The following RPRD1B variants were observed in gnomAD, a reference collection of about 807,000 sequenced individuals.
RPRD1B encodes regulation of nuclear pre-mRNA domain-containing protein 1B.
RPRD1B carries 11 observed loss-of-function variants against 41.5 expected under a neutral mutation model. The ratio of observed to expected loss-of-function variants is 0.27; its 90% confidence interval spans 0.17 to 0.44. The LOEUF (loss-of-function observed/expected upper bound fraction) is 0.44, where lower values mean the gene tolerates loss of function less well. RPRD1B is among the 20% of genes least tolerant of loss of function. RPRD1B has a pLI of 1.00. For missense variants in RPRD1B, 248 were observed against 389.9 expected (o/e 0.64, Z 3.06); for synonymous variants, 158 against 155.6 (o/e 1.02, Z -0.12).
At chr20:38,056,161 TG>T (rs1343021917) in intron 3 of RPRD1B, among the ~76,000 whole-genome samples, 13 of 151,890 alleles carry the variant, frequency 8.6e-5, no homozygotes, top group African/African-American at 3.1e-4. Flanking sequence ...CCAAGGCGGG[TG>T]GGTCACTGGA....
chr20:38,085,949 C>G (rs1488626859), intron 6 of RPRD1B, among the ~76,000 whole-genome samples: 2 of 150,466 alleles, frequency 1.3e-5, no homozygotes, highest in Non-Finnish European at 2.9e-5. Flanking sequence ...AAGCAATCTT[C>G]CCACCTCAGC....
At chr20:38,084,189 C>T (rs1396877143) in intron 6 of RPRD1B, among the ~76,000 whole-genome samples, 1 of 152,072 alleles carries the variant, frequency 6.6e-6, no homozygotes, top group Non-Finnish European at 1.5e-5. Context: ...CCCCTTTGGG[C>T]TTGGCTTTCT....
chr20:38,085,028 C>A (rs2074547421), intron 6 of RPRD1B, among the ~76,000 whole-genome samples: 1 of 152,174 alleles, frequency 6.6e-6, no homozygotes, highest in South Asian at 2.1e-4. Flanking sequence ...TAGGTACTTG[C>A]CGCTGAATGG....
chr20:38,061,897 A>G (rs2074301313), intron 5 of RPRD1B, among the ~76,000 whole-genome samples: 1 of 152,202 alleles, frequency 6.6e-6, no homozygotes, highest in African/African-American at 2.4e-5. Flanking sequence ...TTTAATCCAC[A>G]GAACCTGTGT....
In RPRD1B at chr20:38,091,021, C is replaced by G; in HGVS notation, c.*1146C>G. 1.0e-6 allele frequency: 1 copy of G among 985,642 alleles called. No homozygotes were observed. Among genetic ancestry groups the G allele is most frequent in the Non-Finnish European group, 1.2e-6 (1 of 829,880 alleles). The allele number at this position is 985,642 out of a possible 1,614,324, so 61.1% of individuals were successfully genotyped here. A position where few individuals can be genotyped will look rare whatever the true frequency, so the allele number is the denominator to read the frequency against. ...GGGATATTAATTGGGGGTTTTAATTCTATTATCATGTCAGCTGACATTATG... is the reference window on the plus strand; with the variant it reads ...GGGATATTAATTGGGGGTTTTAATTGTATTATCATGTCAGCTGACATTATG... On this transcript the variant is annotated 3_prime_UTR_variant, in exon 7 of 7. Coordinates refer to ENST00000373433, the MANE Select transcript of RPRD1B (RefSeq NM_021215.4).
At position 38,090,588 on chromosome 20, in the gene RPRD1B, T is replaced by A. The variant is rs895323165; in HGVS notation, c.*713T>A. On this transcript the variant is annotated 3_prime_UTR_variant, in exon 7 of 7. Transcript: ENST00000373433. The stretch of plus-strand genomic sequence containing the variant: ...TTAAAAGGAATTTATTTGCTTCAAG[T>A]TCCTAGATACAACCTTCCCATGCTG... 7 of 985,630 alleles carry A rather than the reference T, an allele frequency of 7.1e-6. No individual in the cohort carries two copies. In the South Asian group the frequency reaches 3.3e-4, roughly 46 times the overall value. 61.1% of individuals were successfully genotyped at this position (985,630 alleles called of 1,614,324 possible).
chr20:38,050,276 A>G (rs1402927077), intron 3 of RPRD1B, among the ~76,000 whole-genome samples: 3 of 152,230 alleles, frequency 2.0e-5, no homozygotes, highest in Non-Finnish European at 4.4e-5. Flanking sequence ...CTTTCTGTGA[A>G]TGACATAAGT....
At chr20:38,063,014 T>G in intron 5 of RPRD1B, among the ~76,000 whole-genome samples, 1 of 152,010 alleles carries the variant, frequency 6.6e-6, no homozygotes, top group Non-Finnish European at 1.5e-5. Context: ...GCAGAGTCTT[T>G]CACTGGCCTC....
Position 38,034,092 on chromosome 20 carries a change from C to T in RPRD1B, c.145C>T (p.Arg49Cys), listed in dbSNP as rs754260598. ...PIVSVWHRELRKAKSNRKLTF... is the reference protein window; with the variant it reads ...PIVSVWHRELCKAKSNRKLTF... ...CGTCTCCGTGTGGCACCGCGAGCTC[C>T]GCAAAGGTAAACACCAAATCCCCAC... is the stretch of plus-strand genomic sequence containing the variant. The change falls in exon 1 of 7, where the codon CGC (arginine) becomes TGC (cysteine). Residue 49 changes from arginine (R) to cysteine (C), a missense_variant. Physicochemically the swap from Arg to Cys is radical, Grantham distance 180 (BLOSUM62 -3). Around this residue, in one of 5 missense-constraint regions of RPRD1B, gnomAD observed 47 missense variants for 103.6 expected, o/e 0.45. Transcript: ENST00000373433. The T allele has an allele frequency of 1.9e-6, 3 of 1,613,246 alleles. No individual in the cohort carries two copies. In the South Asian group the frequency reaches 3.3e-5, roughly 18 times the overall value.
At chr20:38,062,196 C>G (rs1431243803) in intron 5 of RPRD1B, among the ~76,000 whole-genome samples, 1 of 152,118 alleles carries the variant, frequency 6.6e-6, no homozygotes, top group Non-Finnish European at 1.5e-5. Context: ...GAACTAGGAC[C>G]CTGCATTATT....
At position 38,068,167 on chromosome 20, in the gene RPRD1B, G is replaced by A. The variant is rs556775073; in HGVS notation, c.831+1911G>A. 1.0e-3 allele frequency among the ~76,000 whole-genome samples: 156 copies of A among 152,312 alleles called. 2 individuals are homozygous for A. Among genetic ancestry groups the A allele is most frequent in the African/African-American group, 3.7e-3 (153 of 41,564 alleles). On this transcript the variant is annotated intron_variant, in intron 6 of 6. Transcript: ENST00000373433. ...CAGATTAGAGCTTTGGATGCGTTCTGTAACTTTCCAGTCTGCGTTGCTCTG... is the reference window on the plus strand; with the variant it reads ...CAGATTAGAGCTTTGGATGCGTTCTATAACTTTCCAGTCTGCGTTGCTCTG...
At chr20:38,069,418 A>G (rs1459834354) in intron 6 of RPRD1B, among the ~76,000 whole-genome samples, 7 of 152,252 alleles carry the variant, frequency 4.6e-5, no homozygotes. Flanking sequence ...GTCAGGCAAT[A>G]AAACCTTTTT....
At chr20:38,083,671 A>C (rs2074534920) in intron 6 of RPRD1B, among the ~76,000 whole-genome samples, 8 of 152,222 alleles carry the variant, frequency 5.3e-5, no homozygotes. Flanking sequence ...CTCCAAGAAC[A>C]TTCCTCCAGT....
intron 2 of RPRD1B, among the ~76,000 whole-genome samples, chr20:38,044,433 G>T (rs1030811795): frequency 1.3e-5 from 2 of 149,754 alleles, no homozygotes; most frequent in African/African-American, 5.0e-5. Flanking sequence ...GAGTGCAGTG[G>T]CTTGGTCTTG....
chr20:38,049,175 C>T (rs2122707764), intron 3 of RPRD1B, among the ~76,000 whole-genome samples: 1 of 151,986 alleles, frequency 6.6e-6, no homozygotes, highest in African/African-American at 2.4e-5. Context: ...TCTCAAACTC[C>T]TGACCTCAAG....
intron 1 of RPRD1B, among the ~76,000 whole-genome samples, chr20:38,035,639 C>T (rs1183010238): frequency 6.6e-6 from 1 of 152,200 alleles, no homozygotes; most frequent in Non-Finnish European, 1.5e-5. Flanking sequence ...GGGCCTTCTT[C>T]ATGTACCCCA....
chr20:38,063,610 G>A (rs1226718998), intron 5 of RPRD1B, among the ~76,000 whole-genome samples: 1 of 152,176 alleles, frequency 6.6e-6, no homozygotes, highest in Non-Finnish European at 1.5e-5. Flanking sequence ...TGGAATACAT[G>A]GCAGCAGGTT....
chr20:38,090,281 T>C lies in RPRD1B; in HGVS notation c.*406T>C. On this transcript the variant is annotated 3_prime_UTR_variant, in exon 7 of 7. Coordinates refer to ENST00000373433, the MANE Select transcript of RPRD1B (RefSeq NM_021215.4). ...GCTTCTCCTTTCTGGGCTGGGCTTG[T>C]TCAAGTTCGGTGTGGGCTTCCACTA... The C allele has an allele frequency of 1.0e-6, 1 of 988,834 alleles. No homozygotes were observed. Among genetic ancestry groups the C allele is most frequent in the Non-Finnish European group, 1.2e-6 (1 of 831,814 alleles). The allele number at this position is 988,834 out of a possible 1,614,324, so 61.3% of individuals were successfully genotyped here.
Position 38,090,859 on chromosome 20 carries a change from A to G in RPRD1B, c.*984A>G. The G allele has an allele frequency of 3.0e-6, 3 of 985,460 alleles. No individual in the cohort carries two copies. Among genetic ancestry groups the G allele is most frequent in the Non-Finnish European group, 3.6e-6 (3 of 829,958 alleles). 61.0% of individuals were successfully genotyped at this position (985,460 alleles called of 1,614,324 possible). A position where few individuals can be genotyped will look rare whatever the true frequency, so the allele number is the denominator to read the frequency against. On this transcript the variant is annotated 3_prime_UTR_variant, in exon 7 of 7. Transcript: ENST00000373433. ...CACAGTACGGTGGCTAAACTCGAAC[A>G]TCACTGCAAATAGGACGCTGAGCAG...
Sources: gnomAD v4.1 joint callset for allele counts (sites outside exome capture counted in the v4.1 genomes callset) on GRCh38, gnomAD v4.1.1 for gene constraint, gnomAD v4.1.1 regional missense constraint, MANE v1.5 for transcripts, NCBI Gene and HGNC (gene_info 2026-07-23, HGNC 2026-07-21) for gene names.